Variants in EYS observed in about 807,000 individuals in gnomAD.
EYS encodes the protein EGF-like photoreceptor maintenance factor, also known as protein eyes shut homolog.
A neutral mutation model predicts 282.1 loss-of-function variants in EYS; 250 were observed. The observed-to-expected ratio is 0.89, with a 90% CI of 0.80 to 0.98. The LOEUF is 0.98. Among genes scored for constraint, EYS ranks in the 50% least tolerant of loss-of-function variants. EYS has a pLI of 0.00. For missense variants in EYS, 4,016 were observed against 3,709.0 expected, an observed-to-expected ratio of 1.08 and a Z score of -2.15; for synonymous variants, 1,355 against 1,282.9, an observed-to-expected ratio of 1.06 and a Z score of -1.20.
intron 14 of EYS, among the ~76,000 whole-genome samples, chr6:64,961,391 A>T (rs1769910713): frequency 6.6e-6 from 1 of 152,130 alleles, no homozygotes; most frequent in African/African-American, 2.4e-5. Flanking sequence ...ATGAAATCCT[A>T]TTATGATCAT....
chr6:65,055,963 A>C (rs9363328), intron 13 of EYS, among the ~76,000 whole-genome samples: 2 of 151,936 alleles, frequency 1.3e-5, no homozygotes, highest in African/African-American at 4.8e-5. Flanking sequence ...TCTGCTGTCC[A>C]AATTTAAGGG....
chr6:64,087,888 C>T (rs1772210586), intron 31 of EYS, among the ~76,000 whole-genome samples: 1 of 151,998 alleles, frequency 6.6e-6, no homozygotes. Flanking sequence ...AATGAACTCA[C>T]AAAGTACAAT....
At chr6:63,827,865 A>AT (rs1330141844) in intron 36 of EYS, among the ~76,000 whole-genome samples, 39 of 150,392 alleles carry the variant, frequency 2.6e-4, no homozygotes, top group African/African-American at 5.4e-4. Flanking sequence ...AAAAAAAAAA[A>AT]AAAAAAGAAA....
intron 26 of EYS, among the ~76,000 whole-genome samples, chr6:64,548,294 G>A (rs540575994): frequency 6.6e-6 from 1 of 152,312 alleles, no homozygotes; most frequent in Admixed American, 6.5e-5. Context: ...TCTAGAACTA[G>A]AATTACCATT....
At position 64,259,650 on chromosome 6, in the gene EYS, G is replaced by GCGCGCACACA. The variant is rs140354088; in HGVS notation, c.6192-28827_6192-28826insTGTGTGCGCG. ...TCTCTCCCAGTACTTTTACACACGC[G>GCGCGCACACA]CACACACACACACACACACACACAC... On this transcript the variant is annotated intron_variant, in intron 30 of 42. Coordinates refer to ENST00000503581, the MANE Select transcript of EYS (RefSeq NM_001142800.2). 4.1e-5 allele frequency among the ~76,000 whole-genome samples: 6 copies of GCGCGCACACA among 145,714 alleles called. No individual in the cohort carries two copies. The East Asian group carries it at 8.3e-4, about 20-fold the overall frequency.
intron 7 of EYS, among the ~76,000 whole-genome samples, chr6:65,392,198 G>T (rs1011828965): frequency 1.3e-5 from 2 of 151,606 alleles, no homozygotes; most frequent in Non-Finnish European, 2.9e-5. Context: ...TTAAACGTTA[G>T]ACCTAAAACC....
At position 65,039,322 on chromosome 6, in the gene EYS, G is replaced by T. The variant is rs1201199485; in HGVS notation, c.2137+18292C>A. Reference sequence around the variant, plus strand: ...TGTTGAAAATAAATTAATTGTATAAGTGTGGTTCTATTTCTGAAATTTTTC... The same window carrying T: ...TGTTGAAAATAAATTAATTGTATAATTGTGGTTCTATTTCTGAAATTTTTC... On this transcript the variant is annotated intron_variant, in intron 13 of 42. Transcript: ENST00000503581. 2.0e-5 allele frequency among the ~76,000 whole-genome samples: 3 copies of T among 151,326 alleles called. No individual in the cohort carries two copies. The Admixed American group carries it at 2.0e-4, about 10-fold the overall frequency.
chr6:65,115,666 A>G (rs1266291023), intron 12 of EYS, among the ~76,000 whole-genome samples: 2 of 152,102 alleles, frequency 1.3e-5, no homozygotes, highest in Non-Finnish European at 2.9e-5. Context: ...ATCTGAACCC[A>G]TGTTCAGGAT....
chr6:64,281,822 T>A (rs1199500067), intron 30 of EYS, among the ~76,000 whole-genome samples: 2 of 152,092 alleles, frequency 1.3e-5, no homozygotes, highest in Admixed American at 1.3e-4. Context: ...AATGTATTAA[T>A]AGAAGAAGGA....
At chr6:64,944,568 T>G (rs1769209460) in intron 15 of EYS, among the ~76,000 whole-genome samples, 1 of 152,058 alleles carries the variant, frequency 6.6e-6, no homozygotes, top group Non-Finnish European at 1.5e-5. Flanking sequence ...CCAAGGTTTC[T>G]CCCCATATGA....
intron 31 of EYS, among the ~76,000 whole-genome samples, chr6:64,174,077 A>G (rs1381352689): frequency 6.6e-6 from 1 of 152,196 alleles, no homozygotes; most frequent in Non-Finnish European, 1.5e-5. Flanking sequence ...CACAGGACAA[A>G]TATTGCATGA....
chr6:65,218,948 A>G (rs983420117), intron 12 of EYS, among the ~76,000 whole-genome samples: 5 of 151,560 alleles, frequency 3.3e-5, no homozygotes, highest in African/African-American at 1.2e-4. Flanking sequence ...AATCAAGATA[A>G]CTTTTTTTTC....
intron 26 of EYS, among the ~76,000 whole-genome samples, chr6:64,571,742 C>G (rs1179550972): frequency 6.6e-6 from 1 of 152,136 alleles, no homozygotes; most frequent in Non-Finnish European, 1.5e-5. Context: ...AGTCAAATCC[C>G]TGAATAGACC....
intron 2 of EYS, among the ~76,000 whole-genome samples, chr6:65,596,089 A>G (rs574920007): frequency 1.4e-4 from 21 of 151,998 alleles, no homozygotes; most frequent in Non-Finnish European, 2.4e-4. Context: ...TAGCTACATG[A>G]GTGAGTGTGA....
At chr6:63,894,652 G>A (rs1230122329) in intron 35 of EYS, among the ~76,000 whole-genome samples, 1 of 151,710 alleles carries the variant, frequency 6.6e-6, no homozygotes, top group Non-Finnish European at 1.5e-5. Flanking sequence ...CACAATCTCT[G>A]CTCACTGCAA....
At chr6:65,653,711 A>C (rs1767730018) in intron 1 of EYS, among the ~76,000 whole-genome samples, 1 of 151,930 alleles carries the variant, frequency 6.6e-6, no homozygotes, top group South Asian at 2.1e-4. Context: ...TCTCAAGGAC[A>C]GGCAAATAGA....
intron 15 of EYS, among the ~76,000 whole-genome samples, chr6:64,935,221 T>C (rs1002911776): frequency 1.3e-5 from 2 of 151,682 alleles, no homozygotes; most frequent in African/African-American, 4.8e-5. Context: ...AAGGCAATAA[T>C]GGAAGAAGGC....
intron 26 of EYS, among the ~76,000 whole-genome samples, chr6:64,522,963 AT>A (rs1204377299): frequency 9.2e-5 from 14 of 151,742 alleles, no homozygotes; most frequent in African/African-American, 2.9e-4. Context: ...ACTTGAAGAC[AT>A]TTCTTTTGTT....
intron 11 of EYS, among the ~76,000 whole-genome samples, chr6:65,305,851 G>A (rs906710057): frequency 6.6e-6 from 1 of 151,994 alleles, no homozygotes; most frequent in Non-Finnish European, 1.5e-5. Flanking sequence ...TTTATGTGGT[G>A]GCCTTTAACC....
Sources: gnomAD v4.1 joint callset for allele counts (sites outside exome capture counted in the v4.1 genomes callset) on GRCh38, gnomAD v4.1.1 for gene constraint, MANE v1.5 for transcripts, NCBI Gene and HGNC (gene_info 2026-07-23, HGNC 2026-07-21) for gene names.